The following ERAP1 variants were observed in gnomAD, a reference collection of about 807,000 sequenced individuals.
The protein encoded by ERAP1 is adipocyte-derived leucine aminopeptidase.
A neutral mutation model predicts 103.7 loss-of-function variants in ERAP1; 86 were observed. The ratio of observed to expected loss-of-function variants is 0.83; its 90% CI spans 0.70 to 0.99. ERAP1 has a LOEUF of 0.99. Among genes scored for constraint, ERAP1 ranks in the 50% least tolerant of loss-of-function variants. The probability of loss-of-function intolerance (pLI) is 0.00; values close to 1 mark genes in which losing one functional copy is unlikely to be tolerated. For synonymous variants in ERAP1, 398 were observed against 402.4 expected (o/e 0.99, Z 0.13); for missense variants, 1,009 against 1,128.4 (o/e 0.89, Z 1.52).
intron 7 of ERAP1, among the ~76,000 whole-genome samples, chr5:96,792,927 A>C (rs879492592): frequency 3.9e-5 from 6 of 152,240 alleles, no homozygotes; most frequent in Non-Finnish European, 8.8e-5. Context: ...TGATTTAAAA[A>C]ATAAACCATA....
At chr5:96,785,710 T>C in intron 13 of ERAP1, 78 bp downstream of exon 13, 2 of 1,472,582 alleles carry the variant, frequency 1.4e-6, no homozygotes, top group South Asian at 2.3e-5. Flanking sequence ...TCAATCATTT[T>C]TGTCTTTAGA....
At chr5:96,842,573 C>G in the ERAP1 span, among the ~76,000 whole-genome samples, 1 of 152,046 alleles carries the variant, frequency 6.6e-6, no homozygotes, top group South Asian at 2.1e-4. Context: ...ATTTGTTGGC[C>G]ATCTGTACAT....
chr5:96,889,025 A>G, the ERAP1 span, among the ~76,000 whole-genome samples: 2 of 152,176 alleles, frequency 1.3e-5, no homozygotes, highest in Admixed American at 1.3e-4. Flanking sequence ...TTGCTTTAAT[A>G]CTTCACAGAA....
the ERAP1 span, among the ~76,000 whole-genome samples, chr5:96,839,257 G>A: frequency 1.1e-3 from 174 of 152,310 alleles, no homozygotes; most frequent in Non-Finnish European, 1.9e-3. Flanking sequence ...TTTTATTAAA[G>A]CTTCATTATG....
the ERAP1 span, among the ~76,000 whole-genome samples, chr5:96,927,819 C>A: frequency 3.5e-4 from 54 of 152,230 alleles, no homozygotes; most frequent in East Asian, 9.3e-3. Flanking sequence ...TTTAAAAATT[C>A]TTTATATATG....
At chr5:96,892,205 T>C in the ERAP1 span, 1 of 1,279,386 alleles carries the variant, frequency 7.8e-7, no homozygotes, top group Non-Finnish European at 1.1e-6. Context: ...TGCTTAAATA[T>C]GCTTAAAGGA....
the ERAP1 span, among the ~76,000 whole-genome samples, chr5:96,895,808 T>C: frequency 1.3e-5 from 2 of 152,288 alleles, no homozygotes; most frequent in South Asian, 4.1e-4. Context: ...TACGTCTTTT[T>C]TAAAAACGAA....
chr5:96,851,176 TAATTA>T, the ERAP1 span, among the ~76,000 whole-genome samples: 1 of 152,230 alleles, frequency 6.6e-6, no homozygotes, highest in African/African-American at 2.4e-5. Flanking sequence ...TGCTTCATAG[TAATTA>T]AATTAACTTT....
the ERAP1 span, chr5:96,884,044 ATC>A: frequency 2.8e-6 from 1 of 352,138 alleles, no homozygotes; most frequent in Non-Finnish European, 5.2e-6. Context: ...TTATCTATCT[ATC>A]TATCTATCTA....
the ERAP1 span, among the ~76,000 whole-genome samples, chr5:96,913,028 C>T: frequency 6.6e-6 from 1 of 152,160 alleles, no homozygotes; most frequent in South Asian, 2.1e-4. Context: ...TATGTTTTAT[C>T]TTCAGAAACT....
chr5:96,775,076 G>GTTAGA lies in ERAP1; in HGVS notation c.*1315_*1319dup, dbSNP rs1041374543. The GTTAGA allele has an allele frequency of 1.1e-5, 11 of 985,510 alleles. No homozygotes were observed. The African/African-American group carries it at 1.7e-4, about 16-fold the overall frequency. The allele number at this position is 985,510 out of a possible 1,614,324, so 61.0% of individuals were successfully genotyped here. A position where few individuals can be genotyped will look rare whatever the true frequency, so the allele number is the denominator to read the frequency against. On this transcript the variant is annotated 3_prime_UTR_variant, in exon 19 of 19. Transcript: ENST00000443439. ...AAGTCAGCAACAGAGCACACTATGG[G>GTTAGA]TTAGATAAGTCCCTGTGTAGCAAGT...
chr5:96,933,493 A>G, the ERAP1 span, among the ~76,000 whole-genome samples: 1 of 152,214 alleles, frequency 6.6e-6, no homozygotes, highest in Non-Finnish European at 1.5e-5. Flanking sequence ...GAGGTTGGCA[A>G]AGAAATCATT....
the ERAP1 span, among the ~76,000 whole-genome samples, chr5:96,815,069 C>A: frequency 2.6e-5 from 4 of 152,346 alleles, no homozygotes; most frequent in African/African-American, 9.6e-5. Flanking sequence ...TATTACCTAA[C>A]TCCCTGTCCA....
the ERAP1 span, among the ~76,000 whole-genome samples, chr5:96,854,112 A>AAC: frequency 1.3e-4 from 20 of 151,678 alleles, no homozygotes; most frequent in East Asian, 7.7e-4. Context: ...AATAAACACA[A>AAC]ACACACACAC....
the ERAP1 span, chr5:96,910,073 T>G: frequency 4.7e-6 from 1 of 212,876 alleles, no homozygotes; most frequent in Non-Finnish European, 9.8e-6. Flanking sequence ...AAGACCAGCC[T>G]GGCCAACATA....
Position 96,762,176 on chromosome 5 carries a change from A to C in ERAP1, c.*1024T>G, listed in dbSNP as rs138807236. The C allele has an allele frequency of 1.2e-3, 746 of 605,106 alleles. 4 individuals carry two copies. The African/African-American group carries it at 0.013, about 10-fold the overall frequency. 37.5% of individuals were successfully genotyped at this position (605,106 alleles called of 1,614,324 possible). On this transcript the variant is annotated 3_prime_UTR_variant, in exon 20 of 20. Transcript: ENST00000296754. Reference sequence around the variant, plus strand: ...AGTCTATTTGGTCAAGAGAATAAACAGTCATTAAGCTATCTTTAAGAGTTA... The same window carrying C: ...AGTCTATTTGGTCAAGAGAATAAACCGTCATTAAGCTATCTTTAAGAGTTA...
chr5:96,781,818 C>T lies in ERAP1; in HGVS notation c.2322G>A (p.Val774=), dbSNP rs755610578. Residue 774 remains valine (V), a synonymous_variant, in exon 16 of 19, where the codon GTG becomes GTA. Transcript: ENST00000443439. ...PVDVTLAVFA[V]GAQSTEGWDF... ...CCCAGCCTTCTGTGCTCTGGGCCCCCACAGCAAACACTGCCAAGGTCACGT... is the reference window on the plus strand; with the variant it reads ...CCCAGCCTTCTGTGCTCTGGGCCCCTACAGCAAACACTGCCAAGGTCACGT... 5.0e-5 allele frequency: 80 copies of T among 1,613,914 alleles called. No individual in the cohort carries two copies. The highest frequency in any genetic ancestry group is 6.5e-5 in the Non-Finnish European group (77 of 1,180,024).
intron 19 of ERAP1, among the ~76,000 whole-genome samples, chr5:96,764,011 A>G (rs1768935036): frequency 6.6e-6 from 1 of 152,206 alleles, no homozygotes; most frequent in Non-Finnish European, 1.5e-5. Flanking sequence ...GTGGGCATCA[A>G]ATAAAACTGG....
the ERAP1 span, among the ~76,000 whole-genome samples, chr5:96,890,296 C>A: frequency 6.6e-6 from 1 of 152,132 alleles, no homozygotes; most frequent in Non-Finnish European, 1.5e-5. Context: ...GCATTAGATT[C>A]TCATAAGGAA....
Sources: gnomAD v4.1 joint callset for allele counts (sites outside exome capture counted in the v4.1 genomes callset) on GRCh38, gnomAD v4.1.1 for gene constraint, MANE v1.5 for transcripts, NCBI Gene and HGNC (gene_info 2026-07-23, HGNC 2026-07-21) for gene names.